The following LIMA1 variants were observed in gnomAD, a reference collection of about 807,000 sequenced individuals.
LIMA1 encodes the protein LIM domain and actin binding 1.
A neutral mutation model predicts 62.6 loss-of-function variants in LIMA1; 52 were observed. That is an observed-to-expected ratio of 0.83 (90% CI 0.67 to 1.05). The LOEUF (loss-of-function observed/expected upper bound fraction) is 1.05, where lower values mean the gene tolerates loss of function less well. LIMA1 is among the 50% of genes least tolerant of loss of function. The pLI, the probability that LIMA1 is intolerant of heterozygous loss-of-function variation, is 0.00. For missense variants in LIMA1, 780 were observed against 902.2 expected, an observed-to-expected ratio of 0.86 and a Z score of 1.74; for synonymous variants, 302 against 317.8, an observed-to-expected ratio of 0.95 and a Z score of 0.53.
At position 50,200,847 on chromosome 12, in the gene LIMA1, T is replaced by C; in HGVS notation, c.902A>G (p.His301Arg). 6.2e-7 allele frequency: 1 copy of C among 1,614,188 alleles called. No individual in the cohort carries two copies. The highest frequency in any genetic ancestry group is 8.5e-7 in the Non-Finnish European group (1 of 1,180,016). Residue 301 changes from histidine to arginine, a missense_variant, in exon 7 of 11, where the codon CAT becomes CGT. Physicochemically the swap from His to Arg is conservative, Grantham distance 29 (BLOSUM62 0). Transcript: ENST00000341247. ...LKASGGEIKI[H>R]KMEQKENVPP... ...CACATTCTCCTTTTGCTCCATTTTA[T>C]GAATTTTGATTTCGCCACCACTGGC...
intron 1 of LIMA1, among the ~76,000 whole-genome samples, chr12:50,269,045 A>T (rs945116427): frequency 6.6e-6 from 1 of 152,166 alleles, no homozygotes; most frequent in East Asian, 1.9e-4. Flanking sequence ...TCAAGTCTAC[A>T]TATTGAGTCT....
chr12:50,275,667 G>A (rs889496032), intron 1 of LIMA1, among the ~76,000 whole-genome samples: 3 of 152,166 alleles, frequency 2.0e-5, no homozygotes, highest in African/African-American at 7.2e-5. Flanking sequence ...TTCAACAAGA[G>A]GGTGGGGAAG....
chr12:50,267,690 T>C (rs1942156306), intron 1 of LIMA1, among the ~76,000 whole-genome samples: 2 of 151,674 alleles, frequency 1.3e-5, no homozygotes, highest in African/African-American at 4.8e-5. Context: ...CAGTGAATTT[T>C]TGTATTTTTA....
chr12:50,267,708 C>A (rs532499862), intron 1 of LIMA1, among the ~76,000 whole-genome samples: 2 of 147,106 alleles, frequency 1.4e-5, no homozygotes, highest in African/African-American at 5.0e-5. Flanking sequence ...TTAGTAGAGG[C>A]GGGGTTTCAC....
intron 2 of LIMA1, 113 bp downstream of exon 2, chr12:50,248,520 C>T (rs1272511678): frequency 1.5e-5 from 11 of 715,612 alleles, no homozygotes; most frequent in South Asian, 5.0e-5. Flanking sequence ...TTAAAATCCA[C>T]GAGGCGCCCA....
chr12:50,274,269 A>G (rs1358891023), intron 1 of LIMA1, among the ~76,000 whole-genome samples: 1 of 152,126 alleles, frequency 6.6e-6, no homozygotes, highest in African/African-American at 2.4e-5. Context: ...CAGTATTCCA[A>G]GTGCTGAAGA....
chr12:50,200,764 C>T lies in LIMA1; in HGVS notation c.972+13G>A. 1 of 1,613,890 alleles carries T rather than the reference C, an allele frequency of 6.2e-7. No homozygotes were observed. Among genetic ancestry groups the T allele is most frequent in the South Asian group, 1.1e-5 (1 of 91,072 alleles). On this transcript the variant is annotated intron_variant, in intron 7 of 10. Coordinates refer to ENST00000341247, the MANE Select transcript of LIMA1 (RefSeq NM_016357.5). ...GCTTCCTTGGCAACTGGACATCAGA[C>T]TTTTCAACCTACCTTTTCCCCTTCC...
At chr12:50,197,786 T>C (rs1401061113) in intron 7 of LIMA1, among the ~76,000 whole-genome samples, 2 of 147,016 alleles carry the variant, frequency 1.4e-5, no homozygotes, top group African/African-American at 2.6e-5. Context: ...GCTGGGAATA[T>C]TTTTCTCTTA....
chr12:50,232,952 A>G (rs572611656), intron 2 of LIMA1, among the ~76,000 whole-genome samples: 413 of 152,320 alleles, frequency 2.7e-3, no homozygotes, highest in African/African-American at 9.7e-3. Context: ...ACGCCACTGC[A>G]CTCTAGCCTA....
At chr12:50,276,631 A>C (rs1207355936) in intron 1 of LIMA1, among the ~76,000 whole-genome samples, 1 of 152,102 alleles carries the variant, frequency 6.6e-6, no homozygotes, top group Admixed American at 6.6e-5. Flanking sequence ...AACACTTTGG[A>C]AGGCCGAGGC....
rs1942281477 is a variant in LIMA1 at position 50,276,862 on chromosome 12, ACT to A, written c.-24+6556_-24+6557del. On this transcript the variant is annotated intron_variant, in intron 1 of 10. Coordinates refer to ENST00000341247, the MANE Select transcript of LIMA1 (RefSeq NM_016357.5). Reference sequence around the variant, plus strand: ...TCCAGCCTGGGTGACTGAGTGACACACTGTCTCAAAAAAAAAAAAATCTATAG... The same window carrying A: ...TCCAGCCTGGGTGACTGAGTGACACAGTCTCAAAAAAAAAAAAATCTATAG... 3.3e-5 allele frequency among the ~76,000 whole-genome samples: 5 copies of A among 151,846 alleles called. No individual in the cohort carries two copies. The South Asian group carries it at 1.0e-3, about 32-fold the overall frequency.
chr12:50,222,921 G>C (rs1199825050), intron 3 of LIMA1, among the ~76,000 whole-genome samples: 1 of 152,018 alleles, frequency 6.6e-6, no homozygotes, highest in Non-Finnish European at 1.5e-5. Context: ...AATTCTGCTG[G>C]GTTTTTTTTT....
At chr12:50,200,066 T>C (rs557138749) in intron 7 of LIMA1, among the ~76,000 whole-genome samples, 2 of 152,052 alleles carry the variant, frequency 1.3e-5, no homozygotes, top group African/African-American at 4.8e-5. Flanking sequence ...GCTAATTTTT[T>C]GTATTTTTAT....
In LIMA1 at chr12:50,192,436, G is replaced by C; in HGVS notation, c.1140+16C>G. 1 of 1,514,110 alleles carries C rather than the reference G, an allele frequency of 6.6e-7. No individual in the cohort carries two copies. The highest frequency in any genetic ancestry group is 9.2e-7 in the Non-Finnish European group (1 of 1,088,776). 93.8% of individuals were successfully genotyped at this position (1,514,110 alleles called of 1,614,324 possible). A position where few individuals can be genotyped will look rare whatever the true frequency, so the allele number is the denominator to read the frequency against. ...AGACCAATGTCCAAAGGCTCAGAGAGAAATTGCCATCATACCTTCATTGCT... is the reference window on the plus strand; with the variant it reads ...AGACCAATGTCCAAAGGCTCAGAGACAAATTGCCATCATACCTTCATTGCT... On this transcript the variant is annotated intron_variant, in intron 9 of 10. Transcript: ENST00000341247.
At chr12:50,228,251 G>A (rs988835289) in intron 3 of LIMA1, among the ~76,000 whole-genome samples, 11 of 152,084 alleles carry the variant, frequency 7.2e-5, no homozygotes, top group Admixed American at 2.0e-4. Flanking sequence ...TTCTTCTTGT[G>A]TCTTCAGGAG....
intron 4 of LIMA1, among the ~76,000 whole-genome samples, chr12:50,212,231 G>A (rs942816444): frequency 9.9e-5 from 15 of 152,264 alleles, no homozygotes; most frequent in African/African-American, 3.6e-4. Flanking sequence ...ATCTTTAAAA[G>A]CTGATTCTCA....
At chr12:50,193,528 A>AGTG in intron 8 of LIMA1, among the ~76,000 whole-genome samples, 3 of 135,842 alleles carry the variant, frequency 2.2e-5, no homozygotes, top group Non-Finnish European at 4.6e-5. Context: ...ATATATACAC[A>AGTG]TATATGATAT....
chr12:50,249,932 C>A (rs1941905375), intron 1 of LIMA1: 1 of 152,154 alleles, frequency 6.6e-6, no homozygotes. Context: ...CTTTCAATAA[C>A]CTTGACAACT....
At chr12:50,203,845 A>G (rs1941102746) in intron 6 of LIMA1, among the ~76,000 whole-genome samples, 1 of 152,234 alleles carries the variant, frequency 6.6e-6, no homozygotes, top group Non-Finnish European at 1.5e-5. Flanking sequence ...GATCTACTGT[A>G]TGACTCCTTC....
Sources: gnomAD v4.1 joint callset for allele counts (sites outside exome capture counted in the v4.1 genomes callset) on GRCh38, gnomAD v4.1.1 for gene constraint, MANE v1.5 for transcripts, NCBI Gene and HGNC (gene_info 2026-07-23, HGNC 2026-07-21) for gene names.